ITGA1: variants seen among roughly 807,000 people sequenced by gnomAD.
ITGA1 encodes the protein integrin alpha-1.
Under a neutral mutation model 145.9 loss-of-function variants are expected in ITGA1, and 85 were observed. The ratio of observed to expected loss-of-function variants is 0.58; its 90% CI spans 0.49 to 0.70. ITGA1 has a LOEUF of 0.70. Among genes scored for constraint, ITGA1 ranks in the 30% least tolerant of loss-of-function variants. The pLI, the probability that ITGA1 is intolerant of heterozygous loss-of-function variation, is 0.00. For synonymous variants in ITGA1, 520 were observed against 495.3 expected (o/e 1.05, Z -0.66); for missense variants, 1,351 against 1,418.7 (o/e 0.95, Z 0.77).
chr5:52,896,046 C>G (rs2111827615), intron 9 of ITGA1, among the ~76,000 whole-genome samples: 1 of 152,270 alleles, frequency 6.6e-6, no homozygotes, highest in South Asian at 2.1e-4. Context: ...AGAAAATAGT[C>G]TACTGTCTCC....
rs959562797 is a variant in ITGA1, at chr5:52,932,234, G to C, written c.2861+98G>C. The C allele has an allele frequency of 9.9e-6, 7 of 704,444 alleles. No homozygotes were observed. The East Asian group carries it at 1.9e-4, about 19-fold the overall frequency. 43.6% of individuals were successfully genotyped at this position (704,444 alleles called of 1,614,324 possible). A position where few individuals can be genotyped will look rare whatever the true frequency, so the allele number is the denominator to read the frequency against. ...TGGCCAAGGGCATCAGCATCACCTG[G>C]AAACTTGTTAGGCAAATTCTCTGGC... On this transcript the variant is annotated intron_variant, in intron 22 of 28. Transcript: ENST00000282588.
intron 27 of ITGA1, among the ~76,000 whole-genome samples, chr5:52,946,612 C>A (rs1472714803): frequency 6.6e-6 from 1 of 152,072 alleles, no homozygotes; most frequent in Non-Finnish European, 1.5e-5. Context: ...TTGATATCTA[C>A]CCTAAATTAA....
intron 6 of ITGA1, among the ~76,000 whole-genome samples, chr5:52,870,576 C>A (rs1306073358): frequency 6.6e-6 from 1 of 152,208 alleles, no homozygotes; most frequent in Non-Finnish European, 1.5e-5. Context: ...ATGCCTAACT[C>A]CTGTCTGAAT....
intron 1 of ITGA1, chr5:52,825,084 T>C (rs982710054): frequency 6.6e-6 from 1 of 152,212 alleles, no homozygotes; most frequent in African/African-American, 2.4e-5. Flanking sequence ...CCAGTGGAAA[T>C]TCTGTATCTG....
At chr5:52,888,380 T>A (rs1175909337) in intron 8 of ITGA1, among the ~76,000 whole-genome samples, 1 of 152,178 alleles carries the variant, frequency 6.6e-6, no homozygotes, top group African/African-American at 2.4e-5. Flanking sequence ...ATTTGTTCAG[T>A]ATAACAAGAG....
At chr5:52,860,678 C>T (rs374131197) in intron 2 of ITGA1, among the ~76,000 whole-genome samples, 20 of 152,344 alleles carry the variant, frequency 1.3e-4, no homozygotes, top group African/African-American at 4.6e-4. Flanking sequence ...GGCTACTCAG[C>T]CAGCAATAAA....
intron 15 of ITGA1, among the ~76,000 whole-genome samples, chr5:52,917,088 G>T (rs1333392211): frequency 1.3e-5 from 2 of 152,178 alleles, no homozygotes; most frequent in African/African-American, 2.4e-5. Context: ...GGATACAAGT[G>T]ACAGATGATA....
At chr5:52,869,103 C>A (rs1749735374) in intron 6 of ITGA1, among the ~76,000 whole-genome samples, 1 of 152,154 alleles carries the variant, frequency 6.6e-6, no homozygotes, top group South Asian at 2.1e-4. Flanking sequence ...AAATCAGAAT[C>A]TCTGAGGGTG....
chr5:52,839,737 A>G (rs929071667), intron 1 of ITGA1, among the ~76,000 whole-genome samples: 7 of 152,232 alleles, frequency 4.6e-5, no homozygotes, highest in African/African-American at 1.7e-4. Context: ...GGGTCAGGAA[A>G]GCAGAAATAG....
At chr5:52,817,444 G>A (rs1748795187) in intron 1 of ITGA1, among the ~76,000 whole-genome samples, 1 of 152,202 alleles carries the variant, frequency 6.6e-6, no homozygotes, top group Admixed American at 6.5e-5. Flanking sequence ...TAGCCTAGGA[G>A]TGATCTGGTT....
intron 1 of ITGA1, among the ~76,000 whole-genome samples, chr5:52,847,656 G>A (rs1255191783): frequency 1.3e-5 from 2 of 152,126 alleles, no homozygotes; most frequent in East Asian, 1.9e-4. Context: ...AGGTTCAAGC[G>A]GTGCCCCTGC....
At chr5:52,864,734 T>C (rs750978802) in intron 3 of ITGA1, 29 bp from the exon 4 acceptor site, 1 of 1,397,618 alleles carries the variant, frequency 7.2e-7, no homozygotes, top group Non-Finnish European at 1.0e-6. Flanking sequence ...AAACTTTTCC[T>C]CCCTCATAAA....
At chr5:52,812,795 T>C (rs1204811425) in intron 1 of ITGA1, among the ~76,000 whole-genome samples, 1 of 63,130 alleles carries the variant, frequency 1.6e-5, no homozygotes, top group African/African-American at 5.6e-5. Flanking sequence ...ATCGCTTTTT[T>C]TTTTTTTTTT....
At chr5:52,816,340 G>A (rs1348521681) in intron 1 of ITGA1, among the ~76,000 whole-genome samples, 1 of 152,136 alleles carries the variant, frequency 6.6e-6, no homozygotes, top group Non-Finnish European at 1.5e-5. Flanking sequence ...TTATGAGAAA[G>A]ATGAAAATTA....
At chr5:52,865,855 G>T (rs758201857) in intron 6 of ITGA1, 38 bp downstream of exon 6, 2 of 1,504,550 alleles carry the variant, frequency 1.3e-6, no homozygotes, top group Non-Finnish European at 1.8e-6. Context: ...TTGTTCTAAA[G>T]ATAAAAATGC....
rs544893333 is a variant in ITGA1 at position 52,927,809 on chromosome 5, C to G, written c.2694+145C>G. The G allele has an allele frequency of 4.9e-4, 297 of 605,522 alleles. 1 individual carries two copies. Among genetic ancestry groups the G allele is most frequent in the Non-Finnish European group, 3.0e-4 (101 of 342,354 alleles). The allele number at this position is 605,522 out of a possible 1,614,324, so 37.5% of individuals were successfully genotyped here. On this transcript the variant is annotated intron_variant, in intron 20 of 28. Coordinates refer to ENST00000282588, the MANE Select transcript of ITGA1 (RefSeq NM_181501.2). ...CAAAATTGTGACAGATTGGAATATG[C>G]TATGGTCAGAATGTTTGTGCCCCAC...
intron 16 of ITGA1, among the ~76,000 whole-genome samples, chr5:52,919,867 T>A (rs554344151): frequency 6.6e-6 from 1 of 152,250 alleles, no homozygotes; most frequent in African/African-American, 2.4e-5. Context: ...TAAGCTGAGA[T>A]AATGTCATTT....
intron 17 of ITGA1, among the ~76,000 whole-genome samples, chr5:52,921,170 G>C (rs1310060848): frequency 6.6e-6 from 1 of 152,040 alleles, no homozygotes; most frequent in East Asian, 1.9e-4. Context: ...ATGTACATGA[G>C]AGTGATAAAA....
chr5:52,912,953 A>T (rs919949545), intron 14 of ITGA1, among the ~76,000 whole-genome samples: 3 of 151,882 alleles, frequency 2.0e-5, no homozygotes, highest in Non-Finnish European at 2.9e-5. Flanking sequence ...TCACCGTGTT[A>T]GCCAGGATGG....
Sources: allele counts gnomAD v4.1 joint callset (sites outside exome capture counted in the v4.1 genomes callset), GRCh38; gene constraint gnomAD v4.1.1; transcripts MANE v1.5; gene names NCBI Gene and HGNC (gene_info 2026-07-23, HGNC 2026-07-21).